PLXNC1: variants seen among roughly 807,000 people sequenced by gnomAD.
The protein encoded by PLXNC1 is plexin C1, also known as plexin-C1.
A neutral mutation model predicts 178.2 loss-of-function variants in PLXNC1; 75 were observed. The ratio of observed to expected loss-of-function variants is 0.42; its 90% CI spans 0.35 to 0.51. PLXNC1 has a LOEUF of 0.51. PLXNC1 is among the 20% of genes least tolerant of loss of function. PLXNC1 has a pLI of 0.02. For missense variants in PLXNC1, 1,503 were observed against 1,984.4 expected (o/e 0.76, Z 4.61); for synonymous variants, 790 against 779.9 (o/e 1.01, Z -0.22).
intron 15 of PLXNC1, 138 bp from the exon 16 acceptor site, chr12:94,254,649 T>G (rs1964789684): frequency 5.5e-6 from 4 of 725,736 alleles, no homozygotes; most frequent in Non-Finnish European, 1.0e-5. Context: ...ATTTTCTAGT[T>G]TCATTCTAGC....
rs1252325501 is a variant in PLXNC1 at position 94,306,830 on chromosome 12, A to C, written c.*1545A>C. ...GAAAATAAGCAGTTACTACCCTGAT[A>C]GGCACCTTCCCAATCCTGTTGCTTT... On this transcript the variant is annotated 3_prime_UTR_variant, in exon 31 of 31. Transcript: ENST00000258526. 1.3e-5 allele frequency: 2 copies of C among 152,222 alleles called. No homozygotes were observed. The highest frequency in any genetic ancestry group is 4.8e-5 in the African/African-American group (2 of 41,450). 9.4% of individuals were successfully genotyped at this position (152,222 alleles called of 1,614,324 possible). A position where few individuals can be genotyped will look rare whatever the true frequency, so the allele number is the denominator to read the frequency against.
In PLXNC1 at chr12:94,274,651, G is replaced by T. The variant is rs144851433; in HGVS notation, c.3598-4821G>T. ...TTTCACAGCTCTTTAGCCTTTCATG[G>T]GTATTTTCTGGGTATTATGCCATCC... On this transcript the variant is annotated intron_variant, in intron 21 of 30. Coordinates refer to ENST00000258526, the MANE Select transcript of PLXNC1 (RefSeq NM_005761.3). Among the ~76,000 whole-genome samples the T allele has an allele frequency of 3.3e-5, 5 of 152,322 alleles. No homozygotes were observed. The East Asian group carries it at 9.6e-4, about 29-fold the overall frequency.
chr12:94,227,066 T>C, intron 8 of PLXNC1, 83 bp from the exon 9 acceptor site: 1 of 908,442 alleles, frequency 1.1e-6, no homozygotes, highest in South Asian at 1.4e-5. Flanking sequence ...TGTGACTGCC[T>C]GGTCCTACCT....
chr12:94,185,219 G>C lies in PLXNC1; in HGVS notation c.1339-1154G>C, dbSNP rs191296756. ...CAGCTGCATCTGTCAGCAGTGTTGG[G>C]GACTATGAAATGGAAGGGCGTGGTT... On this transcript the variant is annotated intron_variant, in intron 3 of 30. Transcript: ENST00000258526. Among the ~76,000 whole-genome samples, 441 of 152,246 alleles carry C rather than the reference G, an allele frequency of 2.9e-3. 2 individuals are homozygous for C. The highest frequency in any genetic ancestry group is 0.01 in the African/African-American group (424 of 41,540).
chr12:94,183,293 T>C (rs1178481295), intron 3 of PLXNC1, among the ~76,000 whole-genome samples: 2 of 152,216 alleles, frequency 1.3e-5, no homozygotes, highest in African/African-American at 4.8e-5. Context: ...AAGTCAGTTA[T>C]ATCAAAATGA....
chr12:94,267,082 T>C (rs1381701958), intron 21 of PLXNC1, among the ~76,000 whole-genome samples: 1 of 152,252 alleles, frequency 6.6e-6, no homozygotes, highest in Non-Finnish European at 1.5e-5. Context: ...GATCCTGGGC[T>C]TGTTATTCCT....
intron 17 of PLXNC1, among the ~76,000 whole-genome samples, chr12:94,258,956 A>G (rs1592820720): frequency 6.6e-6 from 1 of 152,332 alleles, no homozygotes; most frequent in East Asian, 1.9e-4. Context: ...AAACTTAACA[A>G]CGTAATTTAG....
At chr12:94,243,711 C>A (rs1565826990) in intron 11 of PLXNC1, among the ~76,000 whole-genome samples, 1 of 152,204 alleles carries the variant, frequency 6.6e-6, no homozygotes, top group Non-Finnish European at 1.5e-5. Context: ...AAAATAGGAT[C>A]TGACCTGAAT....
At position 94,149,850 on chromosome 12, in the gene PLXNC1, G is replaced by T; in HGVS notation, c.879G>T (p.Leu293=). 1 of 1,587,738 alleles carries T rather than the reference G, an allele frequency of 6.3e-7. No individual in the cohort carries two copies. ...ACGGCCACCCCGACGGCCGCCGCCT[G>T]CTCCTCTCCTCCAGCCTAGTGGAGG... ...CGHGHPDGRR[L]LLSSSLVEAL... The change falls in exon 1 of 31, where the codon CTG becomes CTT. Residue 293 remains leucine (L), a synonymous_variant. Transcript: ENST00000258526.
rs139627895 is a variant in PLXNC1, at chr12:94,216,786, T to C, written c.1555-3230T>C. Among the ~76,000 whole-genome samples the C allele has an allele frequency of 1.3e-3, 196 of 152,350 alleles. 1 individual carries two copies. The highest frequency in any genetic ancestry group is 4.5e-3 in the African/African-American group (186 of 41,588). On this transcript the variant is annotated intron_variant, in intron 5 of 30. Transcript: ENST00000258526. ...ATATGTCGATCTGATAAGAGTGTTG[T>C]GCAGCAAGCAATTCTTTGGCCTTGT...
At chr12:94,217,370 C>G (rs1175747916) in intron 5 of PLXNC1, among the ~76,000 whole-genome samples, 1 of 152,182 alleles carries the variant, frequency 6.6e-6, no homozygotes, top group African/African-American at 2.4e-5. Context: ...TCTCTTCTTA[C>G]TCTACATTTC....
At chr12:94,297,097 A>C in intron 24 of PLXNC1, 92 bp from the exon 25 acceptor site, 1 of 1,245,810 alleles carries the variant, frequency 8.0e-7, no homozygotes, top group Non-Finnish European at 1.2e-6. Flanking sequence ...TTCAGTATAC[A>C]GCACAAATGG....
At chr12:94,229,279 A>T (rs1259047993) in intron 9 of PLXNC1, among the ~76,000 whole-genome samples, 1 of 152,088 alleles carries the variant, frequency 6.6e-6, no homozygotes, top group Non-Finnish European at 1.5e-5. Flanking sequence ...GAGTTGTAGG[A>T]GTTCTTTATG....
chr12:94,286,232 C>CTTT (rs1335169008), intron 23 of PLXNC1, among the ~76,000 whole-genome samples: 3 of 152,170 alleles, frequency 2.0e-5, no homozygotes, highest in Admixed American at 1.3e-4. Flanking sequence ...GACATGAAGG[C>CTTT]TTAAAGGATT....
intron 1 of PLXNC1, among the ~76,000 whole-genome samples, chr12:94,155,370 G>T (rs765111940): frequency 6.6e-6 from 1 of 152,196 alleles, no homozygotes; most frequent in Non-Finnish European, 1.5e-5. Flanking sequence ...AGCTCTGGAG[G>T]TTGGGGTGGG....
chr12:94,193,059 G>C (rs1282152090), intron 4 of PLXNC1, among the ~76,000 whole-genome samples: 1 of 152,170 alleles, frequency 6.6e-6, no homozygotes, highest in Admixed American at 6.5e-5. Context: ...AGGGTAGGGG[G>C]ATATCAGCTA....
At chr12:94,254,371 A>G (rs1188165790) in intron 15 of PLXNC1, 2 of 373,630 alleles carry the variant, frequency 5.4e-6, no homozygotes, top group African/African-American at 4.2e-5. Context: ...CTACGTTTGC[A>G]GCACAACTTT....
chr12:94,234,674 G>A (rs538056761), intron 9 of PLXNC1, among the ~76,000 whole-genome samples: 3 of 152,310 alleles, frequency 2.0e-5, no homozygotes, highest in South Asian at 2.1e-4. Context: ...TAGAGTGAGG[G>A]AGGAATCCCA....
intron 24 of PLXNC1, among the ~76,000 whole-genome samples, chr12:94,295,636 T>C (rs1281562197): frequency 6.6e-6 from 1 of 152,144 alleles, no homozygotes; most frequent in East Asian, 1.9e-4. Context: ...CATCAGCCCC[T>C]CTGTCAAAAT....
Sources: allele counts gnomAD v4.1 joint callset (sites outside exome capture counted in the v4.1 genomes callset), GRCh38; gene constraint gnomAD v4.1.1; transcripts MANE v1.5; gene names NCBI Gene and HGNC (gene_info 2026-07-23, HGNC 2026-07-21).